Variants in VSTM4 observed in about 807,000 individuals in gnomAD.
VSTM4 encodes V-set and transmembrane domain-containing protein 4.
VSTM4 carries 20 observed loss-of-function variants against 36.4 expected under a neutral mutation model. The ratio of observed to expected loss-of-function variants is 0.55; its 90% confidence interval spans 0.39 to 0.80. The LOEUF (loss-of-function observed/expected upper bound fraction) is 0.80, where lower values mean the gene tolerates loss of function less well. Ranked by LOEUF, VSTM4 falls within the 30% of genes least tolerant of loss-of-function variation. The pLI is 0.00. For missense variants in VSTM4, 392 were observed against 404.5 expected, an observed-to-expected ratio of 0.97 and a Z score of 0.26; for synonymous variants, 182 against 173.9, an observed-to-expected ratio of 1.05 and a Z score of -0.37.
At chr10:49,026,842 G>A (rs903752181) in intron 7 of VSTM4, among the ~76,000 whole-genome samples, 5 of 152,298 alleles carry the variant, frequency 3.3e-5, no homozygotes, top group East Asian at 3.9e-4. Flanking sequence ...GAGGGAAGGC[G>A]TTTCTTTACA....
intron 3 of VSTM4, 118 bp downstream of exon 3, chr10:49,085,837 T>C (rs1844360099): frequency 1.7e-6 from 1 of 578,028 alleles, no homozygotes; most frequent in Middle Eastern, 4.9e-4. Flanking sequence ...CATGCATATA[T>C]ATGTAACAAA....
At chr10:49,031,227 C>A (rs1485068747) in intron 7 of VSTM4, among the ~76,000 whole-genome samples, 1 of 152,226 alleles carries the variant, frequency 6.6e-6, no homozygotes, top group Non-Finnish European at 1.5e-5. Context: ...TACTTAGGAA[C>A]ATGTGCTCTC....
At chr10:49,045,222 C>CTG (rs918894552) in intron 7 of VSTM4, among the ~76,000 whole-genome samples, 3 of 151,820 alleles carry the variant, frequency 2.0e-5, no homozygotes, top group African/African-American at 7.3e-5. Flanking sequence ...CTCTCTCTCT[C>CTG]TCATGCACAC....
rs991459947 is a variant in VSTM4 at position 49,031,909 on chromosome 10, G to A, written c.838-12134C>T. Among the ~76,000 whole-genome samples the A allele has an allele frequency of 2.0e-5, 3 of 151,984 alleles. No individual in the cohort carries two copies. In the East Asian group the frequency reaches 5.8e-4, roughly 29 times the overall value. ...ACCCCATATGGCACTGTTCATTCAG[G>A]GTCTACTTCAGGACCTTTGCCCAGG... On this transcript the variant is annotated intron_variant, in intron 7 of 7. Transcript: ENST00000332853.
At chr10:49,023,147 G>A (rs1843206952) in intron 7 of VSTM4, among the ~76,000 whole-genome samples, 1 of 152,176 alleles carries the variant, frequency 6.6e-6, no homozygotes, top group Admixed American at 6.5e-5. Flanking sequence ...GCATATTTCT[G>A]GAATATAATA....
chr10:49,103,417 T>C, intron 2 of VSTM4: 1 of 633,018 alleles, frequency 1.6e-6, no homozygotes, highest in Non-Finnish European at 2.0e-6. Flanking sequence ...CACTGAAATG[T>C]TAAGTTGAGT....
chr10:49,051,163 C>A (rs1047539142), intron 5 of VSTM4, among the ~76,000 whole-genome samples: 1 of 152,144 alleles, frequency 6.6e-6, no homozygotes, highest in African/African-American at 2.4e-5. Flanking sequence ...TAGCATCATA[C>A]AGAGTAGTTT....
intron 2 of VSTM4, among the ~76,000 whole-genome samples, chr10:49,094,921 A>C (rs1426050637): frequency 6.6e-6 from 1 of 152,118 alleles, no homozygotes; most frequent in African/African-American, 2.4e-5. Context: ...CTGGGGCTCA[A>C]ATAAAGCCAT....
At chr10:49,041,767 T>C (rs1035125983) in intron 7 of VSTM4, among the ~76,000 whole-genome samples, 4 of 152,202 alleles carry the variant, frequency 2.6e-5, no homozygotes, top group Admixed American at 1.3e-4. Context: ...GTTTCTTAAA[T>C]AGTGTTGTTT....
At chr10:49,026,652 A>T (rs1039165890) in intron 7 of VSTM4, among the ~76,000 whole-genome samples, 3 of 152,050 alleles carry the variant, frequency 2.0e-5, no homozygotes, top group Admixed American at 2.0e-4. Flanking sequence ...CTCCGTGTGG[A>T]AAAAGAGGGC....
chr10:49,103,539 C>G, intron 2 of VSTM4: 1 of 1,310,836 alleles, frequency 7.6e-7, no homozygotes, highest in Non-Finnish European at 9.7e-7. Flanking sequence ...AGAAAACAAC[C>G]AACATATGGA....
chr10:49,064,465 C>T, intron 5 of VSTM4: 1 of 521,622 alleles, frequency 1.9e-6, no homozygotes, highest in Non-Finnish European at 3.4e-6. Context: ...CAAGCCTCCT[C>T]CAGCAAGCCT....
intron 2 of VSTM4, among the ~76,000 whole-genome samples, chr10:49,101,979 G>A (rs1844674128): frequency 6.9e-6 from 1 of 144,916 alleles, no homozygotes; most frequent in African/African-American, 2.6e-5. Flanking sequence ...CTGCGTGTGT[G>A]TGTGTGTGTT....
intron 1 of VSTM4, among the ~76,000 whole-genome samples, chr10:49,111,772 A>G (rs542068892): frequency 6.6e-6 from 1 of 152,324 alleles, no homozygotes; most frequent in Non-Finnish European, 1.5e-5. Context: ...TGGACAGTCC[A>G]GTGGGTAAGG....
chr10:49,073,044 G>A (rs17011746), intron 4 of VSTM4, among the ~76,000 whole-genome samples: 56,612 of 152,114 alleles, frequency 0.37, 11,717 homozygotes, highest in African/African-American at 0.56. Context: ...AAGCCAGGAA[G>A]GAAGTCTTGA....
At chr10:49,105,991 A>G (rs554559518) in intron 2 of VSTM4, among the ~76,000 whole-genome samples, 1 of 152,210 alleles carries the variant, frequency 6.6e-6, no homozygotes. Flanking sequence ...CTATGTGAAA[A>G]TAATAAGCCA....
At position 49,039,292 on chromosome 10, in the gene VSTM4, T is replaced by C. The variant is rs537376580; in HGVS notation, c.837+7691A>G. Among the ~76,000 whole-genome samples, 10 of 152,072 alleles carry C rather than the reference T, an allele frequency of 6.6e-5. No individual in the cohort carries two copies. In the South Asian group the frequency reaches 1.5e-3, roughly 22 times the overall value. ...ATGAGGGTCCTGGGTGGGGTGGGCC[T>C]GAGGGAGCGCAGGCAGATTATGACA... is the stretch of plus-strand genomic sequence containing the variant. On this transcript the variant is annotated intron_variant, in intron 7 of 7. Transcript: ENST00000332853.
At chr10:49,068,781 G>A (rs528980962) in intron 4 of VSTM4, among the ~76,000 whole-genome samples, 10 of 152,224 alleles carry the variant, frequency 6.6e-5, no homozygotes, top group South Asian at 6.2e-4. Flanking sequence ...GGAAAGTGCC[G>A]GAGACCAAGA....
At position 49,048,119 on chromosome 10, in the gene VSTM4, G is replaced by A. The variant is rs540512959; in HGVS notation, c.775+359C>T. Among the ~76,000 whole-genome samples the A allele has an allele frequency of 1.2e-4, 19 of 152,270 alleles. No homozygotes were observed. In the South Asian group the frequency reaches 3.9e-3, roughly 32 times the overall value. On this transcript the variant is annotated intron_variant, in intron 6 of 7. Transcript: ENST00000332853. ...GCTTTTCTTCCCTTGAATGAACCAA[G>A]AAGACTTCCTCATCCCAACCCACCA...
Sources: allele counts gnomAD v4.1 joint callset (sites outside exome capture counted in the v4.1 genomes callset), GRCh38; gene constraint gnomAD v4.1.1; transcripts MANE v1.5; gene names NCBI Gene and HGNC (gene_info 2026-07-23, HGNC 2026-07-21).